ETAA1: variants seen among roughly 807,000 people sequenced by gnomAD.
ETAA1 encodes the protein ETAA1 activator of ATR kinase.
ETAA1 carries 49 observed loss-of-function variants against 76.8 expected under a neutral mutation model. The observed-to-expected ratio is 0.64, with a 90% CI of 0.51 to 0.81. The LOEUF (loss-of-function observed/expected upper bound fraction) is 0.81. Ranked by LOEUF, ETAA1 falls within the 30% of genes least tolerant of loss-of-function variation. ETAA1 has a pLI of 0.00. For missense variants in ETAA1, 1,099 were observed against 1,074.0 expected, an observed-to-expected ratio of 1.02 and a Z score of -0.32; for synonymous variants, 373 against 372.2, an observed-to-expected ratio of 1.00 and a Z score of -0.03.
rs778329636 is a variant in ETAA1 at position 67,404,539 on chromosome 2, A to G, written c.1857A>G (p.Arg619=). The change falls in exon 5 of 6, where the codon AGA becomes AGG. Residue 619 remains arginine, a synonymous_variant. Coordinates refer to ENST00000272342, the MANE Select transcript of ETAA1 (RefSeq NM_019002.4). ...ACCAAGCATGTGATGATATTGAAAG[A>G]CTAACTCAGCAACAAGACATTAGAA... ...LLYQACDDIE[R]LTQQQDIRKD... The G allele has an allele frequency of 5.0e-6, 8 of 1,613,382 alleles. No individual in the cohort carries two copies. The Admixed American group carries it at 6.7e-5, about 13-fold the overall frequency.
In ETAA1 at chr2:67,410,647, G is replaced by A. The variant is rs1676348394; in HGVS notation, c.*609G>A. The A allele has an allele frequency of 6.6e-6, 1 of 152,054 alleles. No individual in the cohort carries two copies. Among genetic ancestry groups the A allele is most frequent in the Non-Finnish European group, 1.5e-5 (1 of 67,972 alleles). The allele number at this position is 152,054 out of a possible 1,614,324, so 9.4% of individuals were successfully genotyped here. A position where few individuals can be genotyped will look rare whatever the true frequency, so the allele number is the denominator to read the frequency against. On this transcript the variant is annotated 3_prime_UTR_variant, in exon 6 of 6. Coordinates refer to ENST00000272342, the MANE Select transcript of ETAA1 (RefSeq NM_019002.4). Reference sequence around the variant, plus strand: ...ATTTAGGAAAACTTTGATTTTAGAAGTCTAACATAGAGGAAAAGAAGTAGT... The same window carrying A: ...ATTTAGGAAAACTTTGATTTTAGAAATCTAACATAGAGGAAAAGAAGTAGT...
intron 4 of ETAA1, 53 bp from the exon 5 acceptor site, chr2:67,403,172 T>C: frequency 7.9e-7 from 1 of 1,270,838 alleles, no homozygotes; most frequent in Non-Finnish European, 1.1e-6. Context: ...TAAATAACAG[T>C]TGGATATAAT....
chr2:67,409,853 C>T (rs2103763144), intron 5 of ETAA1, 58 bp from the exon 6 acceptor site: 1 of 1,497,940 alleles, frequency 6.7e-7, no homozygotes, highest in Middle Eastern at 1.8e-4. Context: ...AATTAAAGCA[C>T]ATATTGAATG....
At position 67,402,991 on chromosome 2, in the gene ETAA1, C is replaced by G; in HGVS notation, c.542+17C>G. The G allele has an allele frequency of 6.4e-7, 1 of 1,566,210 alleles. No individual in the cohort carries two copies. The highest frequency in any genetic ancestry group is 8.6e-7 in the Non-Finnish European group (1 of 1,159,664). On this transcript the variant is annotated intron_variant, in intron 4 of 5. Coordinates refer to ENST00000272342, the MANE Select transcript of ETAA1 (RefSeq NM_019002.4). ...CTGCACAAAGTAAGTTAAGACTTTT[C>G]AGCTTTTCTGAAATTCAGTGAAGCA...
At position 67,410,944 on chromosome 2, in the gene ETAA1, G is replaced by A. The variant is rs1676356058; in HGVS notation, c.*906G>A. 6.6e-6 allele frequency: 1 copy of A among 151,878 alleles called. No individual in the cohort carries two copies. The highest frequency in any genetic ancestry group is 1.5e-5 in the Non-Finnish European group (1 of 67,934). The allele number at this position is 151,878 out of a possible 1,614,324, so 9.4% of individuals were successfully genotyped here. A position where few individuals can be genotyped will look rare whatever the true frequency, so the allele number is the denominator to read the frequency against. The stretch of plus-strand genomic sequence containing the variant: ...AAAGATGTAATTAAAAGCACAATAA[G>A]GACTGTTTGATAATAATGCTCATTG... On this transcript the variant is annotated 3_prime_UTR_variant, in exon 6 of 6. Coordinates refer to ENST00000272342, the MANE Select transcript of ETAA1 (RefSeq NM_019002.4).
chr2:67,403,953 T>G lies in ETAA1; in HGVS notation c.1271T>G (p.Val424Gly), dbSNP rs752163141. ...ATTTGTACCTTTAATAGTAAAACTG[T>G]TAAAAATACGTCAAGAGCAAATACA... ...KEICTFNSKTVKNTSRANTSP... is the reference protein window; with the variant it reads ...KEICTFNSKTGKNTSRANTSP... The change falls in exon 5 of 6, where the codon GTT (valine) becomes GGT (glycine). Residue 424 changes from valine to glycine, a missense_variant. Physicochemically the swap from Val to Gly is moderately radical, Grantham distance 109. This residue lies in a region of ETAA1 where 761 missense variants were observed against 731.9 expected (regional missense o/e 1.04). Coordinates refer to ENST00000272342, the MANE Select transcript of ETAA1 (RefSeq NM_019002.4). The G allele has an allele frequency of 1.6e-5, 26 of 1,609,338 alleles. No homozygotes were observed. Among genetic ancestry groups the G allele is most frequent in the Non-Finnish European group, 2.2e-5 (26 of 1,178,424 alleles).
rs910261514 is a variant in ETAA1, at chr2:67,397,347, C to T, written c.-102C>T. 5 of 1,263,292 alleles carry T rather than the reference C, an allele frequency of 4.0e-6. No homozygotes were observed. The highest frequency in any genetic ancestry group is 3.9e-5 in the South Asian group (3 of 77,516). The allele number at this position is 1,263,292 out of a possible 1,614,324, so 78.3% of individuals were successfully genotyped here. Reference sequence around the variant, plus strand: ...GCGCGCGCCCCACCGACCAAAATGGCGGCTGCCGTTGGTGCGGGGTGCGGT... The same window carrying T: ...GCGCGCGCCCCACCGACCAAAATGGTGGCTGCCGTTGGTGCGGGGTGCGGT... On this transcript the variant is annotated 5_prime_UTR_variant, in exon 1 of 6. Coordinates refer to ENST00000272342, the MANE Select transcript of ETAA1 (RefSeq NM_019002.4).
At position 67,397,561 on chromosome 2, in the gene ETAA1, G is replaced by A. The variant is rs1007828965; in HGVS notation, c.113G>A (p.Arg38Lys). 2.5e-6 allele frequency: 4 copies of A among 1,570,410 alleles called. No homozygotes were observed. Among genetic ancestry groups the A allele is most frequent in the African/African-American group, 2.7e-5 (2 of 73,944 alleles). The change falls in exon 1 of 6, where the codon AGA becomes AAA. Residue 38 changes from arginine to lysine, a missense_variant. Physicochemically the swap from Arg to Lys is conservative, Grantham distance 26. Coordinates refer to ENST00000272342, the MANE Select transcript of ETAA1 (RefSeq NM_019002.4). ...GTCGAGCCAGGGAGGAGGCGGCTGA[G>A]ATCGGCCCGCGGTTCGTGGCCCTGC... ...SVVEPGRRRL[R>K]SARGSWPCGA...
Position 67,409,967 on chromosome 2 carries a change from G to A in ETAA1, c.2710G>A (p.Glu904Lys). The A allele has an allele frequency of 6.2e-6, 10 of 1,608,870 alleles. No individual in the cohort carries two copies. Among genetic ancestry groups the A allele is most frequent in the Non-Finnish European group, 7.6e-6 (9 of 1,177,998 alleles). ...SPEEIQRKRQEALVRRMAKAR... is the reference protein window; with the variant it reads ...SPEEIQRKRQKALVRRMAKAR... ...TGAAGAAATTCAGAGAAAAAGACAA[G>A]AAGCACTGGTTCGGAGAATGGCTAA... The change falls in exon 6 of 6, where the codon GAA becomes AAA. Residue 904 changes from glutamate (E) to lysine (K), a missense_variant. This residue lies in a region of ETAA1 where 302 missense variants were observed against 278.1 expected (regional missense o/e 1.09). Transcript: ENST00000272342.
Position 67,409,930 on chromosome 2 carries a change from A to G in ETAA1, c.2673A>G (p.Arg891=). The change falls in exon 6 of 6, where the codon AGA becomes AGG. Residue 891 remains arginine, a synonymous_variant. Coordinates refer to ENST00000272342, the MANE Select transcript of ETAA1 (RefSeq NM_019002.4). ...TTTTAGAGGAAGAAGAGAAAAATAG[A>G]AAGTGTTCTCCTGAAGAAATTCAGA... is the stretch of plus-strand genomic sequence containing the variant. ...QSSKEEEEKN[R]KCSPEEIQRK... 1 of 1,599,328 alleles carries G rather than the reference A, an allele frequency of 6.3e-7. No individual in the cohort carries two copies. Among genetic ancestry groups the G allele is most frequent in the Non-Finnish European group, 8.5e-7 (1 of 1,175,500 alleles).
Position 67,410,202 on chromosome 2 carries a change from ATTTCCT to A in ETAA1, c.*166_*171del. On this transcript the variant is annotated 3_prime_UTR_variant, in exon 6 of 6. Transcript: ENST00000272342. ...CAATGTTTGCAATGGTAAATGAAAC[ATTTCCT>A]TGGACATGTATTTGAAAGTCATTAA... is the stretch of plus-strand genomic sequence containing the variant. The A allele has an allele frequency of 1.5e-6, 1 of 667,380 alleles. No homozygotes were observed. The highest frequency in any genetic ancestry group is 2.2e-5 in the South Asian group (1 of 46,220). 41.3% of individuals were successfully genotyped at this position (667,380 alleles called of 1,614,324 possible). A position where few individuals can be genotyped will look rare whatever the true frequency, so the allele number is the denominator to read the frequency against.
chr2:67,407,650 G>A (rs184463789), intron 5 of ETAA1, among the ~76,000 whole-genome samples: 149 of 152,016 alleles, frequency 9.8e-4, no homozygotes, highest in African/African-American at 3.3e-3. Flanking sequence ...AAACCTTTCC[G>A]ATAACATAAT....
chr2:67,401,204 A>C (rs1415837670), intron 3 of ETAA1: 3 of 152,112 alleles, frequency 2.0e-5, no homozygotes, highest in Non-Finnish European at 4.4e-5. Context: ...TAGCTTTAAA[A>C]TGTTACCCTC....
Position 67,410,800 on chromosome 2 carries a change from A to C in ETAA1, c.*762A>C, listed in dbSNP as rs1177800527. ...AATACTGTTTTCAAAGTCATAGGCA[A>C]GTTAATGCTGTGCTACAATTAGAAT... On this transcript the variant is annotated 3_prime_UTR_variant, in exon 6 of 6. Transcript: ENST00000272342. The C allele has an allele frequency of 6.6e-6, 1 of 152,100 alleles. No individual in the cohort carries two copies. The highest frequency in any genetic ancestry group is 1.5e-5 in the Non-Finnish European group (1 of 67,972). The allele number at this position is 152,100 out of a possible 1,614,324, so 9.4% of individuals were successfully genotyped here.
rs907545496 is a variant in ETAA1, at chr2:67,404,914, C to T, written c.2232C>T (p.Asn744=). Residue 744 remains asparagine, a synonymous_variant, in exon 5 of 6, where the codon AAC becomes AAT. Coordinates refer to ENST00000272342, the MANE Select transcript of ETAA1 (RefSeq NM_019002.4). ...TGACTATGTATTCTAAGATCTCAAA[C>T]TGTCAGATAAATAATCTGCATGTGT... The part of the protein sequence containing the change: ...TNLTMYSKIS[N]CQINNLHVSY... The T allele has an allele frequency of 6.2e-7, 1 of 1,613,010 alleles. No individual in the cohort carries two copies. Among genetic ancestry groups the T allele is most frequent in the Non-Finnish European group, 8.5e-7 (1 of 1,179,362 alleles).
intron 1 of ETAA1, among the ~76,000 whole-genome samples, chr2:67,398,088 G>A (rs1289337803): frequency 6.6e-6 from 1 of 152,060 alleles, no homozygotes; most frequent in Non-Finnish European, 1.5e-5. Context: ...GAGTTCATAG[G>A]AAAAGTTAAA....
At position 67,404,007 on chromosome 2, in the gene ETAA1, A is replaced by C; in HGVS notation, c.1325A>C (p.Lys442Thr). ...CCAGATGCCAGGTTAGGAGATTCAA[A>C]AGTATTACAAGATCTTTCTTCAAAG... is the stretch of plus-strand genomic sequence containing the variant. ...TSPDARLGDS[K>T]VLQDLSSKTY... Residue 442 changes from lysine to threonine, a missense_variant, in exon 5 of 6, where the codon AAA becomes ACA. Lys to Thr is a moderately conservative substitution (Grantham distance 78, BLOSUM62 -1). Transcript: ENST00000272342. 3 of 1,607,582 alleles carry C rather than the reference A, an allele frequency of 1.9e-6. No homozygotes were observed. Among genetic ancestry groups the C allele is most frequent in the Non-Finnish European group, 2.5e-6 (3 of 1,177,762 alleles).
In ETAA1 at chr2:67,398,886, G is replaced by T. The variant is rs548679358; in HGVS notation, c.224-283G>T. ...TTCCCCAAAGCCTCCAAGACTCAAT[G>T]GTAATAAATAGAATGACTTAGGTTA... On this transcript the variant is annotated intron_variant, in intron 1 of 5. Transcript: ENST00000272342. 5.9e-4 allele frequency among the ~76,000 whole-genome samples: 90 copies of T among 152,216 alleles called. 1 individual carries two copies. Among genetic ancestry groups the T allele is most frequent in the African/African-American group, 1.0e-3 (42 of 41,536 alleles).
chr2:67,400,227 G>T (rs1414615928), intron 3 of ETAA1: 1 of 152,148 alleles, frequency 6.6e-6, no homozygotes, highest in East Asian at 1.9e-4. Context: ...ATCATTATGA[G>T]AATTAAACTA....
Sources: gnomAD v4.1 joint callset for allele counts (sites outside exome capture counted in the v4.1 genomes callset) on GRCh38, gnomAD v4.1.1 for gene constraint, gnomAD v4.1.1 regional missense constraint, MANE v1.5 for transcripts, NCBI Gene and HGNC (gene_info 2026-07-23, HGNC 2026-07-21) for gene names.